TECRL: variants seen among roughly 807,000 people sequenced by gnomAD.
TECRL encodes the protein trans-2,3-enoyl-CoA reductase like.
Under a neutral mutation model 52.8 loss-of-function variants are expected in TECRL, and 63 were observed. The observed-to-expected ratio is 1.19, with a 90% CI of 0.97 to 1.47. TECRL has a LOEUF of 1.47. TECRL is among the 40% of genes most tolerant of loss of function. TECRL has a pLI of 0.00. For missense variants in TECRL, 482 were observed against 429.6 expected, an observed-to-expected ratio of 1.12 and a Z score of -1.08; for synonymous variants, 164 against 141.9, an observed-to-expected ratio of 1.16 and a Z score of -1.10.
rs3045235 is a variant in TECRL at position 64,388,220 on chromosome 4, C to CTTTTTTTTTTT, written c.235-13008_235-12998dup. On this transcript the variant is annotated intron_variant, in intron 1 of 11. Transcript: ENST00000381210. ...GAAATGTGTAAGATGAGTCTAAATC[C>CTTTTTTTTTTT]TTTTTTTTTTTTTTGCATGTGGATG... Among the ~76,000 whole-genome samples, 4 of 127,122 alleles carry CTTTTTTTTTTT rather than the reference C, an allele frequency of 3.1e-5. 2 individuals are homozygous for CTTTTTTTTTTT. Among genetic ancestry groups the CTTTTTTTTTTT allele is most frequent in the Non-Finnish European group, 6.5e-5 (4 of 61,630 alleles). The allele number at this position is 127,122 out of a possible 152,430, so 83.4% of individuals were successfully genotyped here.
chr4:64,376,797 T>C (rs969735091), intron 1 of TECRL, among the ~76,000 whole-genome samples: 15 of 152,032 alleles, frequency 9.9e-5, no homozygotes, highest in African/African-American at 3.6e-4. Flanking sequence ...GTATTATGCA[T>C]TGGTTGTTTA....
rs182113567 is a variant in TECRL, at chr4:64,379,379, G to A, written c.235-4156C>T. ...ATATCTAATAACTATACATATTTACGGGGTGCATGTGCTATATTGATATGT... is the reference window on the plus strand; with the variant it reads ...ATATCTAATAACTATACATATTTACAGGGTGCATGTGCTATATTGATATGT... On this transcript the variant is annotated intron_variant, in intron 1 of 11. Transcript: ENST00000381210. Among the ~76,000 whole-genome samples, 731 of 151,780 alleles carry A rather than the reference G, an allele frequency of 4.8e-3. 3 individuals are homozygous for A. The highest frequency in any genetic ancestry group is 7.6e-3 in the Non-Finnish European group (514 of 67,930).
intron 2 of TECRL, among the ~76,000 whole-genome samples, chr4:64,340,128 G>A (rs905174983): frequency 7.2e-5 from 11 of 152,206 alleles, no homozygotes; most frequent in Non-Finnish European, 1.5e-4. Context: ...AGCTGCAGTA[G>A]GGAGGTGAAG....
chr4:64,278,016 A>G lies in TECRL; in HGVS notation c.*2056T>C, dbSNP rs892986177. On this transcript the variant is annotated 3_prime_UTR_variant, in exon 12 of 12. Coordinates refer to ENST00000381210, the MANE Select transcript of TECRL (RefSeq NM_001010874.5). ...CAATGTACTTTTGCTTTGCAAGTGC[A>G]TACAATCCATTTGAAATATGCATAT... 1 of 151,776 alleles carries G rather than the reference A, an allele frequency of 6.6e-6. No homozygotes were observed. Among genetic ancestry groups the G allele is most frequent in the Non-Finnish European group, 1.5e-5 (1 of 67,764 alleles). The allele number at this position is 151,776 out of a possible 1,614,324, so 9.4% of individuals were successfully genotyped here. A position where few individuals can be genotyped will look rare whatever the true frequency, so the allele number is the denominator to read the frequency against.
At chr4:64,401,290 T>G (rs1724343574) in intron 1 of TECRL, among the ~76,000 whole-genome samples, 1 of 152,222 alleles carries the variant, frequency 6.6e-6, no homozygotes, top group East Asian at 1.9e-4. Context: ...TGCTCTGTTT[T>G]GAAGTATCAC....
At chr4:64,316,588 T>C (rs1478123151) in intron 4 of TECRL, among the ~76,000 whole-genome samples, 1 of 152,114 alleles carries the variant, frequency 6.6e-6, no homozygotes, top group Non-Finnish European at 1.5e-5. Context: ...TAATATGGTC[T>C]TCTGAAAATG....
intron 1 of TECRL, among the ~76,000 whole-genome samples, chr4:64,385,498 TG>T (rs1171204752): frequency 6.6e-6 from 1 of 152,064 alleles, no homozygotes; most frequent in Non-Finnish European, 1.5e-5. Flanking sequence ...TCCTGTTTCC[TG>T]GGACACAGGA....
At chr4:64,357,510 A>T (rs1720852542) in intron 2 of TECRL, among the ~76,000 whole-genome samples, 1 of 151,546 alleles carries the variant, frequency 6.6e-6, no homozygotes, top group African/African-American at 2.4e-5. Flanking sequence ...TCTGATATTC[A>T]GATATTATTT....
intron 8 of TECRL, among the ~76,000 whole-genome samples, chr4:64,294,862 G>A (rs1032439946): frequency 6.6e-6 from 1 of 151,868 alleles, no homozygotes; most frequent in African/African-American, 2.4e-5. Context: ...TTATTACAAA[G>A]TTTCACTTAG....
At chr4:64,407,671 G>T (rs1321229785) in intron 1 of TECRL, among the ~76,000 whole-genome samples, 1 of 151,570 alleles carries the variant, frequency 6.6e-6, no homozygotes, top group Admixed American at 6.6e-5. Flanking sequence ...CATTCCATTT[G>T]TTGCACTGTG....
chr4:64,372,238 T>C (rs1311206482), intron 2 of TECRL, among the ~76,000 whole-genome samples: 1 of 151,726 alleles, frequency 6.6e-6, no homozygotes, highest in Non-Finnish European at 1.5e-5. Flanking sequence ...TAGATCAAGA[T>C]AAAGAAAGAC....
chr4:64,304,033 ATAG>A (rs1215211921), intron 7 of TECRL, among the ~76,000 whole-genome samples: 1 of 151,824 alleles, frequency 6.6e-6, no homozygotes, highest in Non-Finnish European at 1.5e-5. Context: ...TTAAAAATAA[ATAG>A]CATATTTACA....
rs377093949 is a variant in TECRL, at chr4:64,362,547, T to C, written c.286+12625A>G. Among the ~76,000 whole-genome samples, 9 of 152,144 alleles carry C rather than the reference T, an allele frequency of 5.9e-5. No homozygotes were observed. The East Asian group carries it at 1.7e-3, about 29-fold the overall frequency. ...ACAAACCAGGAGGGATTGGGGCCCATATTCAGCACCATTAAAAAAAGAAAT... is the reference window on the plus strand; with the variant it reads ...ACAAACCAGGAGGGATTGGGGCCCACATTCAGCACCATTAAAAAAAGAAAT... On this transcript the variant is annotated intron_variant, in intron 2 of 11. Transcript: ENST00000381210.
chr4:64,302,281 T>C (rs767904961), intron 7 of TECRL, among the ~76,000 whole-genome samples: 17 of 151,482 alleles, frequency 1.1e-4, no homozygotes, highest in Non-Finnish European at 1.0e-4. Flanking sequence ...ATTAACTTTA[T>C]GCAGCCAAAT....
In TECRL at chr4:64,395,125, G is replaced by A. The variant is rs1212197745; in HGVS notation, c.234+13993C>T. On this transcript the variant is annotated intron_variant, in intron 1 of 11. Transcript: ENST00000381210. Reference sequence around the variant, plus strand: ...CAGATTGGCCAGGCTGGTCTATGTTGGCCAGGCTGGTCTCAAACTCCTGGC... The same window carrying A: ...CAGATTGGCCAGGCTGGTCTATGTTAGCCAGGCTGGTCTCAAACTCCTGGC... 2.6e-5 allele frequency among the ~76,000 whole-genome samples: 4 copies of A among 151,672 alleles called. No homozygotes were observed. The East Asian group carries it at 7.8e-4, about 30-fold the overall frequency.
rs150820540 is a variant in TECRL, at chr4:64,304,031, A to G, written c.730+1135T>C. ...CAAAATAATGTTTTTAATTAAAAAT[A>G]AATAGCATATTTACAGTTATTAACA... On this transcript the variant is annotated intron_variant, in intron 7 of 11. Coordinates refer to ENST00000381210, the MANE Select transcript of TECRL (RefSeq NM_001010874.5). Among the ~76,000 whole-genome samples, 220 of 151,950 alleles carry G rather than the reference A, an allele frequency of 1.4e-3. 1 individual carries two copies. The highest frequency in any genetic ancestry group is 5.1e-3 in the African/African-American group (210 of 41,524).
intron 2 of TECRL, among the ~76,000 whole-genome samples, chr4:64,349,129 A>C (rs1720199197): frequency 9.5e-6 from 1 of 105,660 alleles, no homozygotes; most frequent in South Asian, 3.3e-4. Flanking sequence ...ATAATTTATA[A>C]AAAACGTTTT....
In TECRL at chr4:64,284,292, G is replaced by A. The variant is rs149129369; in HGVS notation, c.833-2733C>T. On this transcript the variant is annotated intron_variant, in intron 9 of 11. Transcript: ENST00000381210. Reference sequence around the variant, plus strand: ...ATTTCCATGGCAGGCTGGGAAAGAAGGTGCTAAGTGCCTTAGAGAAATAGG... The same window carrying A: ...ATTTCCATGGCAGGCTGGGAAAGAAAGTGCTAAGTGCCTTAGAGAAATAGG... Among the ~76,000 whole-genome samples, 928 of 152,132 alleles carry A rather than the reference G, an allele frequency of 6.1e-3. 11 individuals carry two copies. The highest frequency in any genetic ancestry group is 0.021 in the African/African-American group (856 of 41,546).
intron 1 of TECRL, among the ~76,000 whole-genome samples, chr4:64,389,655 T>C (rs1359034954): frequency 1.3e-5 from 2 of 152,032 alleles, no homozygotes; most frequent in African/African-American, 2.4e-5. Flanking sequence ...TTGTACAAAA[T>C]GATTGTAGAG....
Sources: gnomAD v4.1 joint callset for allele counts (sites outside exome capture counted in the v4.1 genomes callset) on GRCh38, gnomAD v4.1.1 for gene constraint, MANE v1.5 for transcripts, NCBI Gene and HGNC (gene_info 2026-07-23, HGNC 2026-07-21) for gene names.